The following ZNF503 variants were observed in gnomAD, a reference collection of about 807,000 sequenced individuals.
The protein encoded by ZNF503 is NocA-like zinc finger 2.
In ZNF503, 15 loss-of-function variants were observed where a neutral mutation model predicts 34.4. The observed-to-expected ratio is 0.44, with a 90% CI of 0.29 to 0.67. ZNF503 has a LOEUF of 0.67. Among genes scored for constraint, ZNF503 ranks in the 30% least tolerant of loss-of-function variants. The pLI, the probability that ZNF503 is intolerant of heterozygous loss-of-function variation, is 0.13. For missense variants in ZNF503, 1,007 were observed against 926.8 expected (o/e 1.09, Z -1.12); for synonymous variants, 580 against 456.8 (o/e 1.27, Z -3.44).
the ZNF503 span, among the ~76,000 whole-genome samples, chr10:75,306,628 T>A: frequency 6.6e-6 from 1 of 152,244 alleles, no homozygotes; most frequent in Non-Finnish European, 1.5e-5. Context: ...TTGTGTTTTT[T>A]ACAAATTGAA....
At chr10:75,347,284 T>C in the ZNF503 span, among the ~76,000 whole-genome samples, 2 of 152,170 alleles carry the variant, frequency 1.3e-5, no homozygotes, top group Non-Finnish European at 2.9e-5. Context: ...TCAGATCAAG[T>C]ACATAGGAAA....
At chr10:75,333,545 G>GC in the ZNF503 span, among the ~76,000 whole-genome samples, 87 of 59,354 alleles carry the variant, frequency 1.5e-3, no homozygotes, top group Non-Finnish European at 1.9e-3. Context: ...GGGCAGAGGC[G>GC]CCCCTCACCT....
At chr10:75,390,478 TC>T in the ZNF503 span, among the ~76,000 whole-genome samples, 1 of 146,788 alleles carries the variant, frequency 6.8e-6, no homozygotes. Flanking sequence ...CTCCTCTTCC[TC>T]CTCAGGGCCA....
chr10:75,401,082 C>T (rs1253170904), intron 1 of ZNF503, 23 bp downstream of exon 1: 2 of 1,613,412 alleles, frequency 1.2e-6, no homozygotes, highest in Non-Finnish European at 1.7e-6. Flanking sequence ...GGTCCCAGTG[C>T]GATCCAGAGA....
the ZNF503 span, among the ~76,000 whole-genome samples, chr10:75,291,543 C>T: frequency 2.0e-5 from 3 of 152,062 alleles, no homozygotes; most frequent in East Asian, 3.9e-4. Flanking sequence ...CCCAGGGGTT[C>T]GAGGCTGCAG....
At chr10:75,394,384 C>T (rs1843674658), downstream of ZNF503, among the ~76,000 whole-genome samples, 1 of 152,194 alleles carries the variant, frequency 6.6e-6, no homozygotes, top group African/African-American at 2.4e-5. Context: ...GTTTTCCAGT[C>T]ACTCTAAGCA....
rs537117248 is a variant in ZNF503 at position 75,400,099 on chromosome 10, A to G, written c.591T>C (p.Gly197=). The G allele has an allele frequency of 3.1e-5, 22 of 717,798 alleles. No individual in the cohort carries two copies. The highest frequency in any genetic ancestry group is 1.5e-4 in the African/African-American group (6 of 39,626). The allele number at this position is 717,798 out of a possible 1,614,324, so 44.5% of individuals were successfully genotyped here. ...EPGGGGGGGG[G]GGGGGGGVSS... ...AAACACCCCCGCCGCCGCCCCCGCC[A>G]CCGCCACCGCCTCCACCGCCGCCTC... is the stretch of plus-strand genomic sequence containing the variant. The change falls in exon 2 of 2, where the codon GGT becomes GGC. Residue 197 remains glycine (G), a synonymous_variant. Transcript: ENST00000372524.
At chr10:75,321,928 TAAC>T in the ZNF503 span, among the ~76,000 whole-genome samples, 1 of 152,242 alleles carries the variant, frequency 6.6e-6, no homozygotes, top group Non-Finnish European at 1.5e-5. Flanking sequence ...GTATAACTAA[TAAC>T]AAGTATTTTT....
chr10:75,372,898 G>A, the ZNF503 span, among the ~76,000 whole-genome samples: 1 of 152,126 alleles, frequency 6.6e-6, no homozygotes. Context: ...TTTGCCTCTG[G>A]CAGAGACCCA....
chr10:75,370,064 A>G, the ZNF503 span, among the ~76,000 whole-genome samples: 1 of 145,296 alleles, frequency 6.9e-6, no homozygotes, highest in African/African-American at 2.6e-5. Context: ...ATGTCAAAAT[A>G]AATAAATAAA....
the ZNF503 span, among the ~76,000 whole-genome samples, chr10:75,337,896 T>C: frequency 6.6e-5 from 10 of 152,248 alleles, no homozygotes; most frequent in African/African-American, 2.2e-4. Flanking sequence ...ACTAATCTTC[T>C]ATACATTCAC....
chr10:75,332,254 C>T, the ZNF503 span, among the ~76,000 whole-genome samples: 19 of 152,094 alleles, frequency 1.2e-4, no homozygotes, highest in African/African-American at 3.9e-4. Context: ...CTCACCTCAC[C>T]TTCTGAGACT....
chr10:75,381,832 TTTTG>T, the ZNF503 span, among the ~76,000 whole-genome samples: 1 of 138,926 alleles, frequency 7.2e-6, no homozygotes, highest in African/African-American at 2.7e-5. Flanking sequence ...TTTTTTTTTT[TTTTG>T]AGACGGTCTC....
chr10:75,286,276 C>T, the ZNF503 span, among the ~76,000 whole-genome samples: 1 of 102,894 alleles, frequency 9.7e-6, no homozygotes, highest in African/African-American at 4.8e-5. Context: ...CAGAGCAATA[C>T]TGTCTCAGGA....
the ZNF503 span, among the ~76,000 whole-genome samples, chr10:75,330,051 C>T: frequency 6.6e-6 from 1 of 152,080 alleles, no homozygotes; most frequent in Non-Finnish European, 1.5e-5. Flanking sequence ...TTATTGAGAG[C>T]TTTAATTATG....
chr10:75,290,744 C>T, the ZNF503 span, among the ~76,000 whole-genome samples: 2 of 152,182 alleles, frequency 1.3e-5, no homozygotes, highest in Admixed American at 1.3e-4. Context: ...GTCTCAAATG[C>T]ACTTCACAGA....
downstream of ZNF503, among the ~76,000 whole-genome samples, chr10:75,393,142 C>T (rs1010678947): frequency 6.6e-6 from 1 of 152,188 alleles, no homozygotes; most frequent in African/African-American, 2.4e-5. Flanking sequence ...GCCCAGATAC[C>T]CCCTGGGCTC....
the ZNF503 span, among the ~76,000 whole-genome samples, chr10:75,339,689 C>T: frequency 5.3e-5 from 8 of 152,130 alleles, no homozygotes; most frequent in Non-Finnish European, 7.4e-5. Context: ...CCCAAGGAGG[C>T]GGAGTCCCTG....
chr10:75,332,550 A>C, the ZNF503 span, among the ~76,000 whole-genome samples: 18 of 143,644 alleles, frequency 1.3e-4, no homozygotes, highest in Admixed American at 1.2e-3. Context: ...TCATGGGACA[A>C]TAGTGGAGGG....
Sources: gnomAD v4.1 joint callset for allele counts (sites outside exome capture counted in the v4.1 genomes callset) on GRCh38, gnomAD v4.1.1 for gene constraint, MANE v1.5 for transcripts, NCBI Gene and HGNC (gene_info 2026-07-23, HGNC 2026-07-21) for gene names.